The following SBF2 variants were observed in gnomAD, a reference collection of about 807,000 sequenced individuals.
SBF2 encodes the protein SET binding factor 2.
Under a neutral mutation model 225.2 loss-of-function variants are expected in SBF2, and 112 were observed. The ratio of observed to expected loss-of-function variants is 0.50; its 90% CI spans 0.43 to 0.58. The LOEUF (loss-of-function observed/expected upper bound fraction) is 0.58, where lower values mean the gene tolerates loss of function less well. Among genes scored for constraint, SBF2 ranks in the 20% least tolerant of loss-of-function variants. SBF2 has a pLI of 0.00. For missense variants in SBF2, 1,996 were observed against 2,206.2 expected (o/e 0.90, Z 1.91); for synonymous variants, 763 against 773.3 (o/e 0.99, Z 0.22).
At chr11:10,078,720 T>C (rs1463905520) in intron 2 of SBF2, among the ~76,000 whole-genome samples, 2 of 152,092 alleles carry the variant, frequency 1.3e-5, no homozygotes, top group Non-Finnish European at 2.9e-5. Flanking sequence ...ATGGCACACG[T>C]ATACCTACGT....
intron 2 of SBF2, among the ~76,000 whole-genome samples, chr11:10,089,659 G>C (rs1267431187): frequency 6.6e-6 from 1 of 152,058 alleles, no homozygotes. Flanking sequence ...AATAAATAAA[G>C]GTGTTCTCCA....
At chr11:10,103,839 G>T (rs535111510) in intron 2 of SBF2, among the ~76,000 whole-genome samples, 1 of 152,320 alleles carries the variant, frequency 6.6e-6, no homozygotes, top group African/African-American at 2.4e-5. Flanking sequence ...CCAGCACTTT[G>T]GGAGGCCAAG....
At chr11:10,255,712 C>A (rs1003551588) in intron 1 of SBF2, among the ~76,000 whole-genome samples, 5 of 152,018 alleles carry the variant, frequency 3.3e-5, no homozygotes, top group African/African-American at 9.7e-5. Flanking sequence ...GAACAATGAC[C>A]TAAAAAAGCA....
intron 20 of SBF2, 40 bp downstream of exon 20, chr11:9,853,500 C>G (rs201200143): frequency 6.3e-7 from 1 of 1,574,808 alleles, no homozygotes; most frequent in African/African-American, 1.3e-5. Context: ...ACTCAATAAT[C>G]TCCAATATTC....
chr11:10,115,541 G>A (rs1208880705), intron 2 of SBF2, among the ~76,000 whole-genome samples: 2 of 152,044 alleles, frequency 1.3e-5, no homozygotes, highest in African/African-American at 4.8e-5. Context: ...CTGTTCATTT[G>A]GAGTACACAT....
At chr11:10,174,631 C>G (rs1018615216) in intron 2 of SBF2, among the ~76,000 whole-genome samples, 1 of 152,030 alleles carries the variant, frequency 6.6e-6, no homozygotes, top group Non-Finnish European at 1.5e-5. Context: ...GCAAGGCAGG[C>G]CAACATTCAA....
intron 2 of SBF2, among the ~76,000 whole-genome samples, chr11:10,173,329 A>G (rs1956296837): frequency 6.6e-6 from 1 of 152,166 alleles, no homozygotes; most frequent in Admixed American, 6.5e-5. Flanking sequence ...GAAGCAGGGC[A>G]AGGCATTGCC....
intron 33 of SBF2, among the ~76,000 whole-genome samples, chr11:9,791,422 A>C (rs1044044053): frequency 8.8e-5 from 1 of 11,360 alleles, no homozygotes; most frequent in Non-Finnish European, 2.8e-4. Context: ...CCAGTTTATC[A>C]AAAAAAAAAA....
intron 1 of SBF2, among the ~76,000 whole-genome samples, chr11:10,207,733 GA>G (rs796188780): frequency 2.0e-5 from 3 of 150,286 alleles, no homozygotes; most frequent in South Asian, 2.1e-4. Flanking sequence ...TTTTCTATGG[GA>G]AAAAAAAACT....
At chr11:10,118,310 A>C (rs1402873343) in intron 2 of SBF2, among the ~76,000 whole-genome samples, 1 of 152,222 alleles carries the variant, frequency 6.6e-6, no homozygotes, top group African/African-American at 2.4e-5. Context: ...TGCATTCCAG[A>C]TTACGACAGG....
chr11:10,057,944 G>C (rs1048662940), intron 2 of SBF2, among the ~76,000 whole-genome samples: 4 of 152,130 alleles, frequency 2.6e-5, no homozygotes, highest in African/African-American at 9.7e-5. Context: ...CAAGAAGTCA[G>C]CTTCAAATAA....
At chr11:10,283,281 C>A (rs1963531302) in intron 1 of SBF2, among the ~76,000 whole-genome samples, 1 of 152,086 alleles carries the variant, frequency 6.6e-6, no homozygotes, top group Non-Finnish European at 1.5e-5. Context: ...CCAAATGGTT[C>A]TTGACAGGTG....
At chr11:10,185,473 A>G (rs1182612077) in intron 2 of SBF2, among the ~76,000 whole-genome samples, 1 of 151,970 alleles carries the variant, frequency 6.6e-6, no homozygotes, top group Admixed American at 6.6e-5. Context: ...CTTTTTTTAG[A>G]GTTGGAATCT....
At chr11:10,011,696 C>T (rs186316682) in intron 6 of SBF2, among the ~76,000 whole-genome samples, 9 of 152,248 alleles carry the variant, frequency 5.9e-5, no homozygotes, top group Non-Finnish European at 1.0e-4. Flanking sequence ...TTCTGGCTCC[C>T]GTTCTTTCTG....
intron 28 of SBF2, among the ~76,000 whole-genome samples, chr11:9,820,580 T>A (rs923688859): frequency 1.3e-5 from 2 of 152,240 alleles, no homozygotes; most frequent in Admixed American, 1.3e-4. Context: ...CACTTTCTTA[T>A]GCTAGTCTTA....
chr11:9,873,509 G>T (rs1269254514), intron 17 of SBF2, among the ~76,000 whole-genome samples: 2 of 152,118 alleles, frequency 1.3e-5, no homozygotes, highest in African/African-American at 2.4e-5. Context: ...GGATAGTGGG[G>T]GCAGCAGCAT....
chr11:10,248,173 A>C (rs1273085812), intron 1 of SBF2, among the ~76,000 whole-genome samples: 1 of 152,218 alleles, frequency 6.6e-6, no homozygotes, highest in Non-Finnish European at 1.5e-5. Context: ...GTATTAAAGA[A>C]AAGAGATTTT....
At chr11:10,238,799 G>A (rs1959170385) in intron 1 of SBF2, among the ~76,000 whole-genome samples, 1 of 150,724 alleles carries the variant, frequency 6.6e-6, no homozygotes, top group South Asian at 2.2e-4. Flanking sequence ...TGTAATCACA[G>A]CTACACAGGA....
At chr11:10,297,078 G>C (rs933890078), upstream of SBF2, among the ~76,000 whole-genome samples, 2 of 152,108 alleles carry the variant, frequency 1.3e-5, no homozygotes, top group Non-Finnish European at 2.9e-5. Flanking sequence ...TGAGTTGTAA[G>C]AGTTCTTTAT....
Sources: gnomAD v4.1 joint callset for allele counts (sites outside exome capture counted in the v4.1 genomes callset) on GRCh38, gnomAD v4.1.1 for gene constraint, MANE v1.5 for transcripts, NCBI Gene and HGNC (gene_info 2026-07-23, HGNC 2026-07-21) for gene names.